Variants in CDH18 observed in about 807,000 individuals in gnomAD.
The protein encoded by CDH18 is cadherin-18.
In CDH18, 31 loss-of-function variants were observed where a neutral mutation model predicts 67.9. The ratio of observed to expected loss-of-function variants is 0.46; its 90% CI spans 0.34 to 0.62. CDH18 has a LOEUF of 0.62. CDH18 is among the 20% of genes least tolerant of loss of function. The pLI is 0.01. For missense variants in CDH18, 890 were observed against 975.5 expected (o/e 0.91, Z 1.17); for synonymous variants, 362 against 347.2 (o/e 1.04, Z -0.48).
At chr5:19,662,302 A>T (rs1309443010) in intron 5 of CDH18, among the ~76,000 whole-genome samples, 2 of 151,982 alleles carry the variant, frequency 1.3e-5, no homozygotes, top group Non-Finnish European at 2.9e-5. Context: ...ATTTTAGGCC[A>T]ACATGTTCTT....
Position 19,741,281 on chromosome 5 carries a change from GTA to G in CDH18, c.523+5659_523+5660del, listed in dbSNP as rs199807306. Reference sequence around the variant, plus strand: ...TGTATACATATATACATATATACGTGTATATATACATACATATATGTACATAT... The same window carrying G: ...TGTATACATATATACATATATACGTGTATATACATACATATATGTACATAT... On this transcript the variant is annotated intron_variant, in intron 4 of 12. Coordinates refer to ENST00000382275, the MANE Select transcript of CDH18 (RefSeq NM_004934.5). Among the ~76,000 whole-genome samples the G allele has an allele frequency of 2.9e-5, 4 of 136,308 alleles. No homozygotes were observed. In the South Asian group the frequency reaches 6.9e-4, roughly 23 times the overall value. 89.4% of individuals were successfully genotyped at this position (136,308 alleles called of 152,430 possible).
chr5:19,607,245 T>C (rs1748197043), intron 6 of CDH18, among the ~76,000 whole-genome samples: 1 of 151,362 alleles, frequency 6.6e-6, no homozygotes, highest in South Asian at 2.1e-4. Flanking sequence ...GAGAAATAAA[T>C]AGTACCAGGA....
chr5:19,927,848 A>C (rs1454263732), intron 2 of CDH18, among the ~76,000 whole-genome samples: 1 of 152,134 alleles, frequency 6.6e-6, no homozygotes, highest in Non-Finnish European at 1.5e-5. Context: ...AGTAAATTGT[A>C]CTCTCTGTTC....
chr5:20,440,396 G>T (rs1481862428), intron 1 of CDH18, among the ~76,000 whole-genome samples: 1 of 151,860 alleles, frequency 6.6e-6, no homozygotes, highest in African/African-American at 2.4e-5. Flanking sequence ...CACATGTGAG[G>T]TTATGCCTAA....
upstream of CDH18, chr5:19,991,896 T>TA (rs1266340644): frequency 6.6e-6 from 1 of 151,584 alleles, no homozygotes; most frequent in African/African-American, 2.4e-5. Flanking sequence ...CGGGCGCCTG[T>TA]AGTCCCAGCT....
intron 5 of CDH18, among the ~76,000 whole-genome samples, chr5:19,662,164 A>T (rs1196925339): frequency 1.3e-5 from 2 of 148,996 alleles, no homozygotes; most frequent in East Asian, 4.0e-4. Flanking sequence ...TAAACAGCGT[A>T]TATGTACAAA....
Position 20,097,092 on chromosome 5 carries a change from A to T in CDH18, c.-517-105078T>A, listed in dbSNP as rs77168135. ...GAAAACATGTTGCTTAAATTTTAAA[A>T]ATTTATCTACCTCCAGATTGCACAT... On this transcript the variant is annotated intron_variant, in intron 2 of 14. Transcript: ENST00000507958. 2.2e-3 allele frequency among the ~76,000 whole-genome samples: 332 copies of T among 152,276 alleles called. 1 individual carries two copies. The highest frequency in any genetic ancestry group is 7.5e-3 in the African/African-American group (312 of 41,568).
At chr5:19,994,855 T>TATATATATATATATATATAGAGAGAG (rs760777430) in intron 2 of CDH18, among the ~76,000 whole-genome samples, 2 of 67,584 alleles carry the variant, frequency 3.0e-5, no homozygotes, top group African/African-American at 7.4e-5. Context: ...TATATATATA[T>TATATATATATATATATATAGAGAGAG]AGAGAGAGAG....
intron 5 of CDH18, among the ~76,000 whole-genome samples, chr5:19,694,595 C>G (rs1033535650): frequency 7.2e-5 from 11 of 151,906 alleles, no homozygotes; most frequent in Non-Finnish European, 1.0e-4. Flanking sequence ...GTTTTAAAAT[C>G]TTATTACTAT....
At chr5:19,965,461 C>T (rs1797334650) in intron 2 of CDH18, among the ~76,000 whole-genome samples, 1 of 152,068 alleles carries the variant, frequency 6.6e-6, no homozygotes, top group South Asian at 2.1e-4. Flanking sequence ...TCTGACTTTA[C>T]TATATGTTTA....
chr5:20,225,550 G>C (rs1741557361), intron 2 of CDH18, among the ~76,000 whole-genome samples: 1 of 152,036 alleles, frequency 6.6e-6, no homozygotes, highest in South Asian at 2.1e-4. Flanking sequence ...GCTCACTACA[G>C]TACCTAATGG....
intron 1 of CDH18, among the ~76,000 whole-genome samples, chr5:20,295,872 C>CTTTTTTTTTTTTTTTTTTTTTTTG: frequency 9.1e-6 from 1 of 109,978 alleles, no homozygotes; most frequent in Non-Finnish European, 1.8e-5. Flanking sequence ...TCTTTTTTTT[C>CTTTTTTTTTTTTTTTTTTTTTTTG]TTTTTTTTTT....
chr5:19,783,412 T>C (rs186141209), intron 3 of CDH18, among the ~76,000 whole-genome samples: 2 of 152,324 alleles, frequency 1.3e-5, no homozygotes, highest in African/African-American at 4.8e-5. Flanking sequence ...AAAACTCATA[T>C]ATTTCCATTT....
Position 19,520,875 on chromosome 5 carries a change from C to A in CDH18, c.1391-97G>T, listed in dbSNP as rs755521467. On this transcript the variant is annotated intron_variant, in intron 9 of 12. Transcript: ENST00000382275. ...TTAATACTGTAGCTTGTCACTGGTT[C>A]CATATGCCATAGCTGGACTTTTGGC... 4.6e-6 allele frequency: 6 copies of A among 1,308,934 alleles called. No homozygotes were observed. In the African/African-American group the frequency reaches 7.6e-5, roughly 17 times the overall value. 81.1% of individuals were successfully genotyped at this position (1,308,934 alleles called of 1,614,324 possible).
intron 7 of CDH18, among the ~76,000 whole-genome samples, chr5:19,584,591 C>G (rs1743799296): frequency 6.6e-6 from 1 of 151,522 alleles, no homozygotes; most frequent in South Asian, 2.1e-4. Context: ...TCAGAAGTAT[C>G]AAAAAATTAC....
chr5:20,193,563 G>C (rs1738714324), intron 2 of CDH18, among the ~76,000 whole-genome samples: 1 of 151,926 alleles, frequency 6.6e-6, no homozygotes, highest in African/African-American at 2.4e-5. Context: ...TAAAAGGAGA[G>C]ACTCCTCTAG....
chr5:20,554,802 T>G (rs186435426), intron 1 of CDH18, among the ~76,000 whole-genome samples: 1 of 152,292 alleles, frequency 6.6e-6, no homozygotes, highest in Admixed American at 6.5e-5. Context: ...GTTGGAACAC[T>G]TGAACCCTGT....
intron 12 of CDH18, among the ~76,000 whole-genome samples, chr5:19,479,791 C>G (rs925358997): frequency 6.6e-6 from 1 of 151,956 alleles, no homozygotes; most frequent in Non-Finnish European, 1.5e-5. Flanking sequence ...CAGATCACGG[C>G]TCAAATATGC....
chr5:19,677,930 G>A (rs1489594169), intron 5 of CDH18, among the ~76,000 whole-genome samples: 5 of 151,972 alleles, frequency 3.3e-5, no homozygotes, highest in Non-Finnish European at 5.9e-5. Context: ...CTCTTAGTGT[G>A]TGTAAATCAA....
Sources: allele counts gnomAD v4.1 joint callset (sites outside exome capture counted in the v4.1 genomes callset), GRCh38; gene constraint gnomAD v4.1.1; transcripts MANE v1.5; gene names NCBI Gene and HGNC (gene_info 2026-07-23, HGNC 2026-07-21).